SLC2A7: variants seen among roughly 807,000 people sequenced by gnomAD.
SLC2A7 encodes solute carrier family 2 member 7, also known as solute carrier family 2, facilitated glucose transporter member 7.
A neutral mutation model predicts 50.5 loss-of-function variants in SLC2A7; 50 were observed. The ratio of observed to expected loss-of-function variants is 0.99; its 90% CI spans 0.79 to 1.25. The LOEUF (loss-of-function observed/expected upper bound fraction) is 1.25. Among genes scored for constraint, SLC2A7 ranks in the 50% most tolerant of loss-of-function variants. The pLI is 0.00. For synonymous variants in SLC2A7, 308 were observed against 300.4 expected, an observed-to-expected ratio of 1.03 and a Z score of -0.26; for missense variants, 683 against 679.1, an observed-to-expected ratio of 1.01 and a Z score of -0.06.
At chr1:8,996,537 C>G in the SLC2A7 span, among the ~76,000 whole-genome samples, 1 of 152,122 alleles carries the variant, frequency 6.6e-6, no homozygotes, top group African/African-American at 2.4e-5. Flanking sequence ...TGGGTTAATA[C>G]CTAGGATTGG....
At chr1:9,013,456 G>T in intron 8 of SLC2A7, 69 bp downstream of exon 8, 2 of 1,377,064 alleles carry the variant, frequency 1.5e-6, no homozygotes, top group Non-Finnish European at 2.0e-6. Context: ...CACTCTGTGG[G>T]GCTCCTGTCT....
At chr1:8,998,817 T>C (rs1194146548), downstream of SLC2A7, among the ~76,000 whole-genome samples, 1 of 152,188 alleles carries the variant, frequency 6.6e-6, no homozygotes, top group Non-Finnish European at 1.5e-5. Context: ...TTATTATCCT[T>C]ATAATATATT....
At chr1:9,013,316 C>T (rs936948316) in intron 8 of SLC2A7, among the ~76,000 whole-genome samples, 2 of 152,282 alleles carry the variant, frequency 1.3e-5, no homozygotes, top group East Asian at 1.9e-4. Flanking sequence ...AAGTGTGAGC[C>T]GCCGCGCCCG....
At chr1:8,993,434 TTTAAA>T in the SLC2A7 span, among the ~76,000 whole-genome samples, 1 of 152,124 alleles carries the variant, frequency 6.6e-6, no homozygotes, top group Non-Finnish European at 1.5e-5. Context: ...ATGGCTGCAA[TTTAAA>T]AAGGGCATAA....
chr1:9,007,824 C>T (rs935388240), intron 9 of SLC2A7, among the ~76,000 whole-genome samples: 20 of 151,812 alleles, frequency 1.3e-4, no homozygotes, highest in African/African-American at 2.2e-4. Flanking sequence ...CTGCAGCCTC[C>T]GCCTCCCGGG....
At chr1:9,010,770 T>G (rs1004733780) in intron 8 of SLC2A7, among the ~76,000 whole-genome samples, 7 of 152,216 alleles carry the variant, frequency 4.6e-5, no homozygotes, top group African/African-American at 1.7e-4. Flanking sequence ...TTCTGGTCAT[T>G]CATTTCCAGA....
At chr1:9,021,340 A>T (rs1640910457) in intron 3 of SLC2A7, among the ~76,000 whole-genome samples, 1 of 151,458 alleles carries the variant, frequency 6.6e-6, no homozygotes, top group African/African-American at 2.4e-5. Flanking sequence ...TTCTCTCTCC[A>T]CCTCCAGGTG....
In SLC2A7 at chr1:9,010,250, G is replaced by A; in HGVS notation, c.1015-6C>T. ...AGCCGCTCCACAAGGACAGCCTGGA[G>A]GGGAAGGGGGACAGTGAGAAGCCGC... On this transcript the variant is annotated splice_region_variant and splice_polypyrimidine_tract_variant and intron_variant, in intron 8 of 11. Coordinates refer to ENST00000400906, the MANE Select transcript of SLC2A7 (RefSeq NM_207420.3). 2.6e-6 allele frequency: 4 copies of A among 1,550,342 alleles called. No homozygotes were observed. Among genetic ancestry groups the A allele is most frequent in the Non-Finnish European group, 2.6e-6 (3 of 1,146,626 alleles).
intron 10 of SLC2A7, among the ~76,000 whole-genome samples, chr1:9,006,748 T>C (rs1180422186): frequency 1.3e-5 from 2 of 152,174 alleles, no homozygotes; most frequent in African/African-American, 4.8e-5. Flanking sequence ...AGGGGTGTCT[T>C]TTCCCAGGCA....
intron 7 of SLC2A7, among the ~76,000 whole-genome samples, chr1:9,014,049 C>T (rs1640789615): frequency 6.6e-6 from 1 of 152,248 alleles, no homozygotes; most frequent in South Asian, 2.1e-4. Flanking sequence ...CACAAACAGC[C>T]CTTTGAAAGG....
rs1557647245 is a variant in SLC2A7, at chr1:9,008,602, G to GTTT, written c.1117-1218_1117-1217insAAA. Among the ~76,000 whole-genome samples the GTTT allele has an allele frequency of 2.4e-3, 39 of 16,010 alleles. 1 individual carries two copies. The highest frequency in any genetic ancestry group is 0.026 in the Middle Eastern group (1 of 38). 10.5% of individuals were successfully genotyped at this position (16,010 alleles called of 152,430 possible). Reference sequence around the variant, plus strand: ...AAAGGTTCTGCTAAGAACTTATATTGGTTTTTTTTTTTTTTAGACAGAATC... The same window carrying GTTT: ...AAAGGTTCTGCTAAGAACTTATATTGTTTGTTTTTTTTTTTTTTAGACAGAATC... On this transcript the variant is annotated intron_variant, in intron 9 of 11. Transcript: ENST00000400906. This position sits in a 1 kb window ranked among gnomAD's most constrained non-coding sequence, Gnocchi z 5.9.
intron 1 of SLC2A7, among the ~76,000 whole-genome samples, chr1:9,025,287 G>A (rs1390580119): frequency 2.6e-5 from 4 of 152,220 alleles, no homozygotes; most frequent in African/African-American, 4.8e-5. Flanking sequence ...GGATGTATCT[G>A]AGCATCTGCT....
rs753561110 is a variant in SLC2A7 at position 9,003,470 on chromosome 1, G to A, written c.1369C>T (p.Leu457Phe). The A allele has an allele frequency of 3.3e-5, 54 of 1,614,104 alleles. No homozygotes were observed. The highest frequency in any genetic ancestry group is 4.4e-5 in the Non-Finnish European group (52 of 1,180,048). The change falls in exon 12 of 12, where the codon CTC (leucine) becomes TTC (phenylalanine). Residue 457 changes from leucine to phenylalanine, a missense_variant. Physicochemically the swap from Leu to Phe is conservative, Grantham distance 22. Coordinates refer to ENST00000400906, the MANE Select transcript of SLC2A7 (RefSeq NM_207420.3). ...SFIIFAGICLLTAIYIYVVIP... is the reference protein window; with the variant it reads ...SFIIFAGICLFTAIYIYVVIP... ...ACCACGTAGATGTAAATCGCAGTGA[G>A]GAGGCAGATTCCGGCAAAGATGATG...
At chr1:9,015,715 G>A (rs181220148) in intron 5 of SLC2A7, among the ~76,000 whole-genome samples, 1 of 148,130 alleles carries the variant, frequency 6.8e-6, no homozygotes, top group African/African-American at 2.5e-5. Context: ...GTGGGAAGTG[G>A]ACAAGTTCTT....
At chr1:9,016,136 C>A (rs181070301) in intron 5 of SLC2A7, among the ~76,000 whole-genome samples, 60 of 152,164 alleles carry the variant, frequency 3.9e-4, no homozygotes, top group African/African-American at 1.4e-3. Context: ...CTCTAATTGA[C>A]GATTTAATAC....
chr1:9,003,237 C>T lies in SLC2A7; in HGVS notation c.*63G>A, dbSNP rs989582867. 7.3e-6 allele frequency: 11 copies of T among 1,511,384 alleles called. No homozygotes were observed. Among genetic ancestry groups the T allele is most frequent in the African/African-American group, 1.4e-5 (1 of 71,886 alleles). The allele number at this position is 1,511,384 out of a possible 1,614,324, so 93.6% of individuals were successfully genotyped here. A position where few individuals can be genotyped will look rare whatever the true frequency, so the allele number is the denominator to read the frequency against. On this transcript the variant is annotated 3_prime_UTR_variant, in exon 12 of 12. Transcript: ENST00000400906. Reference sequence around the variant, plus strand: ...TATTATCCTCCCCAGAGCCTGGGGCCGGGAGGCCCATTGTCATAGAAGGAA... The same window carrying T: ...TATTATCCTCCCCAGAGCCTGGGGCTGGGAGGCCCATTGTCATAGAAGGAA...
chr1:8,992,910 G>C, the SLC2A7 span, among the ~76,000 whole-genome samples: 1 of 152,212 alleles, frequency 6.6e-6, no homozygotes, highest in Non-Finnish European at 1.5e-5. Context: ...CCTGAAGTGG[G>C]ACCCTGAAGA....
At position 9,022,918 on chromosome 1, in the gene SLC2A7, C is replaced by T. The variant is rs200173738; in HGVS notation, c.311G>A (p.Arg104Lys). 5.0e-6 allele frequency: 8 copies of T among 1,613,876 alleles called. No homozygotes were observed. Among genetic ancestry groups the T allele is most frequent in the South Asian group, 1.1e-5 (1 of 91,024 alleles). ...LVGLLVDSCG[R>K]KGTLLINNIF... The stretch of plus-strand genomic sequence containing the variant: ...TGGGAGCAGTGCACCTTCTGTTTAC[C>T]TGCCGCAGCTATCAACCAGCAGGCC... The change falls in exon 3 of 12, where the codon AGA becomes AAA. Residue 104 changes from arginine (R) to lysine (K), a missense_variant and splice_region_variant. Physicochemically the swap from Arg to Lys is conservative, Grantham distance 26. Coordinates refer to ENST00000400906, the MANE Select transcript of SLC2A7 (RefSeq NM_207420.3).
At position 9,015,183 on chromosome 1, in the gene SLC2A7, G is replaced by T; in HGVS notation, c.649C>A (p.Pro217Thr). ...VPALLQLLTL[P>T]FFPESPRYSL... ...TAGCGGGGGCTTTCGGGGAAGAAGGGCAGGGTCAGCAGCTGCAGCAGGGCG... is the reference window on the plus strand; with the variant it reads ...TAGCGGGGGCTTTCGGGGAAGAAGGTCAGGGTCAGCAGCTGCAGCAGGGCG... Residue 217 changes from proline (P) to threonine (T), a missense_variant, in exon 6 of 12, where the codon CCC (proline) becomes ACC (threonine). Coordinates refer to ENST00000400906, the MANE Select transcript of SLC2A7 (RefSeq NM_207420.3). The T allele has an allele frequency of 6.2e-7, 1 of 1,611,880 alleles. No individual in the cohort carries two copies. Among genetic ancestry groups the T allele is most frequent in the South Asian group, 1.1e-5 (1 of 90,690 alleles).
Sources: gnomAD v4.1 joint callset for allele counts (sites outside exome capture counted in the v4.1 genomes callset) on GRCh38, gnomAD v4.1.1 for gene constraint, Gnocchi (gnomAD v3.1) non-coding constraint, MANE v1.5 for transcripts, NCBI Gene and HGNC (gene_info 2026-07-23, HGNC 2026-07-21) for gene names.